Variants in TMEM200A observed in about 807,000 individuals in gnomAD.
The protein encoded by TMEM200A is transmembrane protein 200A, also known as two transmembrane C.
A neutral mutation model predicts 24.3 loss-of-function variants in TMEM200A; 12 were observed. The observed-to-expected ratio is 0.49, with a 90% CI of 0.32 to 0.80. The LOEUF (loss-of-function observed/expected upper bound fraction) is 0.80. Among genes scored for constraint, TMEM200A ranks in the 30% least tolerant of loss-of-function variants. The pLI is 0.04. For synonymous variants in TMEM200A, 224 were observed against 224.4 expected (o/e 1.00, Z 0.02); for missense variants, 545 against 614.4 (o/e 0.89, Z 1.19).
intron 1 of TMEM200A, among the ~76,000 whole-genome samples, chr6:130,384,134 G>GA (rs753488313): frequency 3.3e-5 from 5 of 152,084 alleles, no homozygotes; most frequent in Non-Finnish European, 7.4e-5. Context: ...AGAAAAGAGA[G>GA]AAAAGAAGAA....
chr6:130,413,483 T>C (rs975153511), intron 2 of TMEM200A, among the ~76,000 whole-genome samples: 1 of 152,118 alleles, frequency 6.6e-6, no homozygotes, highest in Non-Finnish European at 1.5e-5. Flanking sequence ...CTACGCTCAG[T>C]CTTCCCTATG....
chr6:130,437,085 T>C (rs1044330735), intron 2 of TMEM200A: 3 of 152,200 alleles, frequency 2.0e-5, no homozygotes. Flanking sequence ...ATTTATGTCT[T>C]ACTCCAACTC....
At chr6:130,380,126 G>A (rs897592404) in intron 1 of TMEM200A, among the ~76,000 whole-genome samples, 1 of 152,148 alleles carries the variant, frequency 6.6e-6, no homozygotes, top group African/African-American at 2.4e-5. Flanking sequence ...TGAGTGAAAT[G>A]GGATTAAAAG....
chr6:130,441,018 G>A lies in TMEM200A; in HGVS notation c.596G>A (p.Ser199Asn). ...GAAACAGAAGTAAAACAGAATGGGA[G>A]CTCCTGTGCCTCGAGATTGGCAGCA... is the stretch of plus-strand genomic sequence containing the variant. ...MGETEVKQNG[S>N]SCASRLAANT... is the part of the protein sequence containing the mutation. Residue 199 changes from serine to asparagine, a missense_variant, in exon 3 of 3, where the codon AGC becomes AAC. Ser to Asn is a conservative substitution (Grantham distance 46). Transcript: ENST00000296978. The A allele has an allele frequency of 1.9e-6, 3 of 1,613,988 alleles. No homozygotes were observed. Among genetic ancestry groups the A allele is most frequent in the Non-Finnish European group, 2.5e-6 (3 of 1,179,962 alleles).
At chr6:130,398,008 G>T (rs375992387) in intron 2 of TMEM200A, among the ~76,000 whole-genome samples, 1 of 151,826 alleles carries the variant, frequency 6.6e-6, no homozygotes, top group Non-Finnish European at 1.5e-5. Flanking sequence ...GGGTACATTT[G>T]TAGGTTTGTT....
chr6:130,385,952 T>C (rs73771816), intron 2 of TMEM200A, among the ~76,000 whole-genome samples: 3,776 of 152,280 alleles, frequency 0.025, 156 homozygotes, highest in African/African-American at 0.086. Flanking sequence ...AATGTTGATA[T>C]CCTGAAGAAA....
intron 2 of TMEM200A, among the ~76,000 whole-genome samples, chr6:130,426,460 G>GC (rs762866765): frequency 0.13 from 18,339 of 140,486 alleles, 1,293 homozygotes; most frequent in East Asian, 0.27. Flanking sequence ...CCTTTCTGCA[G>GC]CCCCCCCCCC....
intron 2 of TMEM200A, among the ~76,000 whole-genome samples, chr6:130,402,490 C>T (rs1299556789): frequency 6.6e-6 from 1 of 152,054 alleles, no homozygotes; most frequent in Non-Finnish European, 1.5e-5. Context: ...GTCTCCATCT[C>T]AAGATTCCAT....
At chr6:130,436,551 A>G (rs189192590) in intron 2 of TMEM200A, among the ~76,000 whole-genome samples, 47 of 145,126 alleles carry the variant, frequency 3.2e-4, no homozygotes, top group African/African-American at 1.1e-3. Context: ...ACCAATTGGC[A>G]TTACAGTTTG....
At chr6:130,422,209 A>G (rs556606157) in intron 2 of TMEM200A, among the ~76,000 whole-genome samples, 1 of 152,142 alleles carries the variant, frequency 6.6e-6, no homozygotes, top group East Asian at 1.9e-4. Flanking sequence ...CCTTGCCAGC[A>G]CTTATCTTTT....
Position 130,370,801 on chromosome 6 carries a change from A to G in TMEM200A, c.-81+4277A>G, listed in dbSNP as rs116683516. 7.7e-3 allele frequency among the ~76,000 whole-genome samples: 1,178 copies of G among 152,278 alleles called. 15 individuals are homozygous for G. The highest frequency in any genetic ancestry group is 0.023 in the African/African-American group (955 of 41,558). ...TATCCCTGTGCCTTATTTCCAGCCC[A>G]GAGATTTTGTTTCCAAAAGCCCTGC... is the stretch of plus-strand genomic sequence containing the variant. On this transcript the variant is annotated intron_variant, in intron 1 of 2. Transcript: ENST00000296978.
At chr6:130,399,150 A>G (rs995368068) in intron 2 of TMEM200A, among the ~76,000 whole-genome samples, 1 of 152,078 alleles carries the variant, frequency 6.6e-6, no homozygotes, top group Non-Finnish European at 1.5e-5. Flanking sequence ...TAGAAAGTCT[A>G]TACTTACTCA....
Position 130,442,147 on chromosome 6 carries a change from T to A in TMEM200A, c.*249T>A. 2.9e-6 allele frequency: 1 copy of A among 347,622 alleles called. No individual in the cohort carries two copies. The highest frequency in any genetic ancestry group is 5.4e-6 in the Non-Finnish European group (1 of 183,832). 21.5% of individuals were successfully genotyped at this position (347,622 alleles called of 1,614,324 possible). A position where few individuals can be genotyped will look rare whatever the true frequency, so the allele number is the denominator to read the frequency against. ...GCATGATCTCTTTTATTAATATGAATGCAAAATGCTTGCATCCAAATTAAA... is the reference window on the plus strand; with the variant it reads ...GCATGATCTCTTTTATTAATATGAAAGCAAAATGCTTGCATCCAAATTAAA... On this transcript the variant is annotated 3_prime_UTR_variant, in exon 3 of 3. Transcript: ENST00000296978.
At chr6:130,384,326 G>A (rs992065057) in intron 1 of TMEM200A, among the ~76,000 whole-genome samples, 1 of 152,058 alleles carries the variant, frequency 6.6e-6, no homozygotes, top group Non-Finnish European at 1.5e-5. Context: ...TTTTATTTTT[G>A]TTTTATTTAT....
rs564776948 is a variant in TMEM200A at position 130,440,589 on chromosome 6, G to A, written c.167G>A (p.Arg56Gln). Residue 56 changes from arginine to glutamine, a missense_variant, in exon 3 of 3, where the codon CGG becomes CAG. By Grantham distance (43) the Arg-to-Gln change is conservative (BLOSUM62 1). Coordinates refer to ENST00000296978, the MANE Select transcript of TMEM200A (RefSeq NM_001258277.2). The stretch of plus-strand genomic sequence containing the variant: ...GTTGTGGTTGTTCGTGGCAAAATCC[G>A]GCTTTATTCCCCATCTGGTTTTTTT... ...ADVVVVRGKI[R>Q]LYSPSGFFLI... 5.8e-5 allele frequency: 94 copies of A among 1,613,892 alleles called. No individual in the cohort carries two copies. The highest frequency in any genetic ancestry group is 7.1e-5 in the Non-Finnish European group (84 of 1,179,972).
chr6:130,394,746 A>G (rs1217944255), intron 2 of TMEM200A, among the ~76,000 whole-genome samples: 4 of 152,310 alleles, frequency 2.6e-5, no homozygotes, highest in South Asian at 2.1e-4. Flanking sequence ...CATGCATGAG[A>G]TGTTAGAAGC....
intron 1 of TMEM200A, chr6:130,382,866 G>A (rs1367906047): frequency 5.2e-6 from 1 of 192,060 alleles, no homozygotes; most frequent in Non-Finnish European, 9.5e-6. Flanking sequence ...CATCTTCTTG[G>A]GGAAGGGGCG....
chr6:130,433,181 G>A lies in TMEM200A; in HGVS notation c.-16-7226G>A, dbSNP rs191749554. Among the ~76,000 whole-genome samples the A allele has an allele frequency of 4.0e-3, 601 of 148,816 alleles. 3 individuals are homozygous for A. The highest frequency in any genetic ancestry group is 3.8e-3 in the South Asian group (18 of 4,726). ...GACGGAGTTTCGCTCTTGTTGCCCA[G>A]GCTGGAGTGCAGTGGCAAGATCTCG... On this transcript the variant is annotated intron_variant, in intron 2 of 2. Transcript: ENST00000296978.
intron 2 of TMEM200A, among the ~76,000 whole-genome samples, chr6:130,391,466 C>T (rs1778830186): frequency 6.6e-6 from 1 of 152,046 alleles, no homozygotes; most frequent in African/African-American, 2.4e-5. Flanking sequence ...AGATGTTAGG[C>T]TTTAAGGACC....
Sources: gnomAD v4.1 joint callset for allele counts (sites outside exome capture counted in the v4.1 genomes callset) on GRCh38, gnomAD v4.1.1 for gene constraint, MANE v1.5 for transcripts, NCBI Gene and HGNC (gene_info 2026-07-23, HGNC 2026-07-21) for gene names.